DDX10: variants seen among roughly 807,000 people sequenced by gnomAD.
DDX10 encodes the protein DEAD-box helicase 10.
DDX10 carries 74 observed loss-of-function variants against 104.3 expected under a neutral mutation model. The observed-to-expected ratio is 0.71, with a 90% CI of 0.59 to 0.86. DDX10 has a LOEUF of 0.86. Ranked by LOEUF, DDX10 falls within the 40% of genes least tolerant of loss-of-function variation. DDX10 has a pLI of 0.00. For synonymous variants in DDX10, 351 were observed against 353.4 expected (o/e 0.99, Z 0.08); for missense variants, 952 against 1,040.0 (o/e 0.92, Z 1.16).
intron 7 of DDX10, 33 bp from the exon 8 acceptor site, chr11:108,691,843 A>G (rs375597924): frequency 1.1e-5 from 17 of 1,597,780 alleles, no homozygotes; most frequent in South Asian, 4.5e-5. Flanking sequence ...GCCATCTGCC[A>G]TAAGCAAACT....
At chr11:108,932,031 G>A (rs1309926041) in intron 17 of DDX10, among the ~76,000 whole-genome samples, 2 of 151,750 alleles carry the variant, frequency 1.3e-5, no homozygotes, top group Admixed American at 1.3e-4. Context: ...TGTCAGCAAG[G>A]TATAAAATAT....
In DDX10 at chr11:108,676,960, A is replaced by G. The variant is rs561664260; in HGVS notation, c.379-125A>G. Reference sequence around the variant, plus strand: ...AACAAAATCATTTACTTTGGACTGGATAAAACTTGAGTGGTATGCCTTCTG... The same window carrying G: ...AACAAAATCATTTACTTTGGACTGGGTAAAACTTGAGTGGTATGCCTTCTG... On this transcript the variant is annotated intron_variant, in intron 3 of 17. Coordinates refer to ENST00000322536, the MANE Select transcript of DDX10 (RefSeq NM_004398.4). The G allele has an allele frequency of 5.1e-6, 4 of 776,878 alleles. No homozygotes were observed. The African/African-American group carries it at 7.0e-5, about 14-fold the overall frequency. The allele number at this position is 776,878 out of a possible 1,614,324, so 48.1% of individuals were successfully genotyped here. A position where few individuals can be genotyped will look rare whatever the true frequency, so the allele number is the denominator to read the frequency against.
chr11:108,884,927 T>C (rs1863275090), intron 16 of DDX10, among the ~76,000 whole-genome samples: 1 of 152,188 alleles, frequency 6.6e-6, no homozygotes, highest in East Asian at 1.9e-4. Flanking sequence ...ATTAAACATA[T>C]TTATAATATG....
chr11:108,905,319 G>C (rs896628809), intron 16 of DDX10, among the ~76,000 whole-genome samples: 3 of 148,258 alleles, frequency 2.0e-5, no homozygotes, highest in Non-Finnish European at 4.5e-5. Context: ...TTAAGGGGGG[G>C]GGGGGTTGAA....
intron 16 of DDX10, among the ~76,000 whole-genome samples, chr11:108,914,639 CA>C (rs1406715345): frequency 1.3e-5 from 2 of 151,880 alleles, no homozygotes; most frequent in South Asian, 2.1e-4. Context: ...CAGTTTTCTA[CA>C]AAAATATTAG....
At chr11:108,730,521 C>A (rs1053438311) in intron 13 of DDX10, among the ~76,000 whole-genome samples, 2 of 152,160 alleles carry the variant, frequency 1.3e-5, no homozygotes. Flanking sequence ...AGTGAATTAA[C>A]TGAATTTCTT....
intron 13 of DDX10, among the ~76,000 whole-genome samples, chr11:108,728,296 A>AG (rs2094307746): frequency 6.6e-6 from 1 of 152,012 alleles, no homozygotes; most frequent in African/African-American, 2.4e-5. Context: ...TCTGTTCTTG[A>AG]GGGGCAGGGC....
chr11:108,923,480 A>C (rs1863866730), intron 17 of DDX10, among the ~76,000 whole-genome samples: 1 of 152,260 alleles, frequency 6.6e-6, no homozygotes. Context: ...AAGAGTTAAG[A>C]ATACCCACTT....
rs978038201 is a variant in DDX10, at chr11:108,796,656, C to T, written c.1966-41790C>T. On this transcript the variant is annotated intron_variant, in intron 13 of 17. Transcript: ENST00000322536. ...TTGAAATTAATTCTGGTCTCATTTC[C>T]TTTGGTATGTAAAGAGAGAATAGCC... Among the ~76,000 whole-genome samples the T allele has an allele frequency of 3.9e-5, 6 of 152,054 alleles. No individual in the cohort carries two copies. In the East Asian group the frequency reaches 1.2e-3, roughly 29 times the overall value.
chr11:108,787,898 C>G (rs938425154), intron 13 of DDX10, among the ~76,000 whole-genome samples: 4 of 152,006 alleles, frequency 2.6e-5, no homozygotes, highest in Admixed American at 1.3e-4. Flanking sequence ...CCATTGCACT[C>G]CAGCCTGGGC....
At chr11:108,828,758 G>T (rs548858223) in intron 13 of DDX10, among the ~76,000 whole-genome samples, 2 of 152,106 alleles carry the variant, frequency 1.3e-5, no homozygotes, top group Non-Finnish European at 2.9e-5. Context: ...TGAGTAGCTG[G>T]GACTACAGGT....
At chr11:108,864,976 C>T (rs1749102617) in intron 16 of DDX10, among the ~76,000 whole-genome samples, 1 of 152,204 alleles carries the variant, frequency 6.6e-6, no homozygotes, top group African/African-American at 2.4e-5. Context: ...GACCCCTTTT[C>T]AACACCATCT....
chr11:108,709,481 T>C (rs1441287991), intron 10 of DDX10, among the ~76,000 whole-genome samples: 2 of 152,236 alleles, frequency 1.3e-5, no homozygotes, highest in African/African-American at 4.8e-5. Context: ...TAGTAGCCTA[T>C]TGAGAGTGTT....
intron 17 of DDX10, among the ~76,000 whole-genome samples, chr11:108,924,342 G>A (rs892692598): frequency 9.2e-5 from 14 of 152,142 alleles, no homozygotes; most frequent in African/African-American, 3.4e-4. Context: ...ATTCTAGGTA[G>A]CATAAGACCA....
chr11:108,760,478 A>G (rs1019319161), intron 13 of DDX10, among the ~76,000 whole-genome samples: 2 of 152,076 alleles, frequency 1.3e-5, no homozygotes, highest in Non-Finnish European at 2.9e-5. Context: ...ATGTTTTCAT[A>G]TTAGTTTATA....
intron 16 of DDX10, among the ~76,000 whole-genome samples, chr11:108,866,399 G>C (rs1181400530): frequency 1.3e-5 from 2 of 152,206 alleles, no homozygotes; most frequent in South Asian, 2.1e-4. Context: ...TGCACTGTGT[G>C]GTTTAATGGG....
intron 17 of DDX10, among the ~76,000 whole-genome samples, chr11:108,926,379 T>A (rs1006913977): frequency 5.3e-5 from 8 of 152,166 alleles, no homozygotes; most frequent in Admixed American, 3.9e-4. Context: ...GCGTTGTAGA[T>A]ATTTTACAGA....
chr11:108,861,112 C>G (rs902270671), intron 16 of DDX10, among the ~76,000 whole-genome samples: 4 of 150,518 alleles, frequency 2.7e-5, no homozygotes, highest in Non-Finnish European at 5.9e-5. Flanking sequence ...CACCCTTAAT[C>G]TAGTAGGCGC....
chr11:108,689,654 A>G (rs2094249365), intron 7 of DDX10, among the ~76,000 whole-genome samples: 1 of 152,230 alleles, frequency 6.6e-6, no homozygotes, highest in African/African-American at 2.4e-5. Context: ...AAGAATAAGG[A>G]TTTCAGAGAT....
Sources: allele counts gnomAD v4.1 joint callset (sites outside exome capture counted in the v4.1 genomes callset), GRCh38; gene constraint gnomAD v4.1.1; transcripts MANE v1.5; gene names NCBI Gene and HGNC (gene_info 2026-07-23, HGNC 2026-07-21).